ASAP1: variants seen among roughly 807,000 people sequenced by gnomAD.
ASAP1 encodes ArfGAP with SH3 domain, ankyrin repeat and PH domain 1.
A neutral mutation model predicts 145.2 loss-of-function variants in ASAP1; 43 were observed. The observed-to-expected ratio is 0.30, with a 90% CI of 0.23 to 0.38. The LOEUF (loss-of-function observed/expected upper bound fraction) is 0.38. Ranked by LOEUF, ASAP1 falls within the 10% of genes least tolerant of loss-of-function variation. The probability of loss-of-function intolerance (pLI) is 1.00; values close to 1 mark genes in which losing one functional copy is unlikely to be tolerated. For missense variants in ASAP1, 1,018 were observed against 1,355.3 expected (o/e 0.75, Z 3.91); for synonymous variants, 546 against 515.5 (o/e 1.06, Z -0.80).
At chr8:130,146,980 C>T (rs943709390) in intron 13 of ASAP1, among the ~76,000 whole-genome samples, 1 of 152,024 alleles carries the variant, frequency 6.6e-6, no homozygotes, top group Non-Finnish European at 1.5e-5. Context: ...AATCCCAGAA[C>T]TTTGGGAAGC....
chr8:130,271,090 G>A (rs1182124112), intron 3 of ASAP1, among the ~76,000 whole-genome samples: 4 of 152,186 alleles, frequency 2.6e-5, no homozygotes, highest in Non-Finnish European at 4.4e-5. Context: ...GCCTGCTGCC[G>A]GGCTGCTCTG....
chr8:130,225,774 T>C (rs79190708), intron 4 of ASAP1, among the ~76,000 whole-genome samples: 3,127 of 152,232 alleles, frequency 0.021, 49 homozygotes, highest in East Asian at 0.064. Context: ...TACTCAGCAA[T>C]AAGGAAGTCA....
chr8:130,074,056 A>G (rs2097456213), intron 27 of ASAP1, among the ~76,000 whole-genome samples: 1 of 152,184 alleles, frequency 6.6e-6, no homozygotes, highest in Non-Finnish European at 1.5e-5. Flanking sequence ...CTTAGAGACA[A>G]ATCAATCAAC....
At chr8:130,345,959 A>G (rs1201689963) in intron 3 of ASAP1, among the ~76,000 whole-genome samples, 1 of 152,208 alleles carries the variant, frequency 6.6e-6, no homozygotes, top group Non-Finnish European at 1.5e-5. Flanking sequence ...ACCTTCAAGA[A>G]ATTTAGTAAC....
At chr8:130,134,207 C>G (rs1033454815) in intron 15 of ASAP1, 89 bp downstream of exon 15, 1 of 1,079,734 alleles carries the variant, frequency 9.3e-7, no homozygotes, top group Non-Finnish European at 1.3e-6. Context: ...GAGGTTCTTA[C>G]AAATGAAAAG....
At chr8:130,102,307 T>C (rs747296206) in intron 24 of ASAP1, among the ~76,000 whole-genome samples, 2 of 152,246 alleles carry the variant, frequency 1.3e-5, no homozygotes, top group Non-Finnish European at 2.9e-5. Context: ...TTATTATGAA[T>C]GGATGTTGAA....
intron 4 of ASAP1, among the ~76,000 whole-genome samples, chr8:130,219,308 A>AG (rs1817145318): frequency 6.6e-6 from 1 of 151,012 alleles, no homozygotes; most frequent in Admixed American, 6.6e-5. Flanking sequence ...GGGTTTACCC[A>AG]GCAGACTTTC....
At chr8:130,264,437 A>G (rs946949652) in intron 3 of ASAP1, among the ~76,000 whole-genome samples, 2 of 152,182 alleles carry the variant, frequency 1.3e-5, no homozygotes, top group African/African-American at 2.4e-5. Flanking sequence ...TGACTTGGCT[A>G]GCAGGACTTA....
chr8:130,122,258 T>C (rs1386713067), intron 18 of ASAP1, among the ~76,000 whole-genome samples: 2 of 152,238 alleles, frequency 1.3e-5, no homozygotes, highest in African/African-American at 2.4e-5. Flanking sequence ...CTCCTCAGAA[T>C]GTAAGCAGGA....
chr8:130,414,001 C>T (rs1829372144), intron 1 of ASAP1, among the ~76,000 whole-genome samples: 3 of 152,230 alleles, frequency 2.0e-5, no homozygotes, highest in South Asian at 4.1e-4. Flanking sequence ...ACAGGTGAAT[C>T]GATGATTGCT....
intron 3 of ASAP1, among the ~76,000 whole-genome samples, chr8:130,294,799 A>G (rs1375676041): frequency 1.3e-5 from 2 of 152,232 alleles, no homozygotes; most frequent in Non-Finnish European, 2.9e-5. Context: ...CCAATTACTG[A>G]GGCAAATTAC....
chr8:130,399,297 C>G (rs568660978), intron 2 of ASAP1, among the ~76,000 whole-genome samples: 2 of 152,152 alleles, frequency 1.3e-5, no homozygotes, highest in Non-Finnish European at 2.9e-5. Context: ...GTAAGAGAGA[C>G]ACTTCTCTAA....
chr8:130,177,875 A>G (rs549839912), intron 9 of ASAP1, among the ~76,000 whole-genome samples: 4 of 152,348 alleles, frequency 2.6e-5, no homozygotes, highest in Admixed American at 2.6e-4. Flanking sequence ...CTCCACATGC[A>G]TTCTTTTTCA....
chr8:130,418,575 A>G (rs1223508403), intron 1 of ASAP1, among the ~76,000 whole-genome samples: 7 of 151,054 alleles, frequency 4.6e-5, no homozygotes, highest in African/African-American at 1.7e-4. Context: ...AATAAATAAA[A>G]TAAAGTGTAC....
chr8:130,090,989 C>T (rs773999905), intron 25 of ASAP1, among the ~76,000 whole-genome samples: 19 of 152,334 alleles, frequency 1.2e-4, no homozygotes, highest in South Asian at 2.1e-4. Context: ...GTGTCTGTCA[C>T]GGGCCAAGAC....
At chr8:130,430,956 A>C (rs1317321036) in intron 1 of ASAP1, among the ~76,000 whole-genome samples, 1 of 152,208 alleles carries the variant, frequency 6.6e-6, no homozygotes, top group Admixed American at 6.5e-5. Flanking sequence ...AAGGGAGGAC[A>C]TAGACTTGCG....
At chr8:130,092,361 C>T (rs1329985106) in intron 24 of ASAP1, among the ~76,000 whole-genome samples, 2 of 151,626 alleles carry the variant, frequency 1.3e-5, no homozygotes, top group Non-Finnish European at 2.9e-5. Context: ...TGCAGTGGCT[C>T]ATGCCTGTAA....
chr8:130,357,941 C>T, intron 3 of ASAP1, 76 bp downstream of exon 3: 1 of 1,513,042 alleles, frequency 6.6e-7, no homozygotes, highest in Non-Finnish European at 8.9e-7. Flanking sequence ...CCCTTCCTCC[C>T]AGCTCGGAGA....
intron 3 of ASAP1, among the ~76,000 whole-genome samples, chr8:130,268,614 G>A (rs544495664): frequency 6.6e-6 from 1 of 151,564 alleles, no homozygotes; most frequent in African/African-American, 2.4e-5. Flanking sequence ...ATTTGAAGAT[G>A]GTAACGGTTA....
Sources: allele counts gnomAD v4.1 joint callset (sites outside exome capture counted in the v4.1 genomes callset), GRCh38; gene constraint gnomAD v4.1.1; transcripts MANE v1.5; gene names NCBI Gene and HGNC (gene_info 2026-07-23, HGNC 2026-07-21).